Variants in OR14I1 observed in about 807,000 individuals in gnomAD.
OR14I1 encodes the protein olfactory receptor family 14 subfamily I member 1, also known as olfactory receptor 14I1.
For missense variants in OR14I1, 279 were observed against 181.8 expected (o/e 1.53, Z -3.07); for synonymous variants, 118 against 71.1 (o/e 1.66, Z -3.32).
the OR14I1 span, among the ~76,000 whole-genome samples, chr1:248,695,228 C>CTTTTT: frequency 6.1e-4 from 59 of 96,710 alleles, no homozygotes; most frequent in African/African-American, 1.1e-3. Flanking sequence ...TGAATGTATG[C>CTTTTT]TTTTTTTTTT....
At chr1:248,698,746 C>T in the OR14I1 span, 1 of 152,232 alleles carries the variant, frequency 6.6e-6, no homozygotes, top group East Asian at 1.9e-4. Flanking sequence ...TCAGATGGAT[C>T]ACACCAGAGT....
chr1:248,689,414 T>A, the OR14I1 span, among the ~76,000 whole-genome samples: 1 of 152,240 alleles, frequency 6.6e-6, no homozygotes, highest in African/African-American at 2.4e-5. Flanking sequence ...GGACCCAGTC[T>A]GGTTTCTTTA....
At chr1:248,688,757 A>C in the OR14I1 span, among the ~76,000 whole-genome samples, 1 of 152,232 alleles carries the variant, frequency 6.6e-6, no homozygotes, top group East Asian at 1.9e-4. Flanking sequence ...AAGTTTCATA[A>C]GAGGTGTTTC....
At chr1:248,697,376 G>T in the OR14I1 span, among the ~76,000 whole-genome samples, 1 of 150,526 alleles carries the variant, frequency 6.6e-6, no homozygotes, top group East Asian at 2.0e-4. Context: ...ACTTATTTTT[G>T]AATTGATACA....
At chr1:248,700,401 T>G in the OR14I1 span, among the ~76,000 whole-genome samples, 1 of 152,254 alleles carries the variant, frequency 6.6e-6, no homozygotes, top group Admixed American at 6.5e-5. Flanking sequence ...TTGCAAGTAC[T>G]CTTCTTTAGC....
At chr1:248,694,421 T>C in the OR14I1 span, among the ~76,000 whole-genome samples, 1 of 152,242 alleles carries the variant, frequency 6.6e-6, no homozygotes, top group South Asian at 2.1e-4. Flanking sequence ...AACTCCTGTT[T>C]AGCAACCATA....
At chr1:248,678,401 A>G (rs1047013707), downstream of OR14I1, among the ~76,000 whole-genome samples, 3 of 152,226 alleles carry the variant, frequency 2.0e-5, no homozygotes, top group African/African-American at 7.2e-5. Context: ...AATTTAAAAG[A>G]TTCTAAATCA....
chr1:248,681,212 T>C (rs946302715), downstream of OR14I1, among the ~76,000 whole-genome samples: 6 of 152,170 alleles, frequency 3.9e-5, no homozygotes, highest in African/African-American at 1.4e-4. Context: ...TATCTACATA[T>C]AGTAGTGCAA....
the OR14I1 span, among the ~76,000 whole-genome samples, chr1:248,696,217 A>G: frequency 1.3e-5 from 2 of 152,216 alleles, no homozygotes; most frequent in Admixed American, 1.3e-4. Flanking sequence ...ACAGAGGCAG[A>G]AGAGGCCCTG....
chr1:248,691,180 G>C, the OR14I1 span, among the ~76,000 whole-genome samples: 9,410 of 152,250 alleles, frequency 0.062, 943 homozygotes, highest in African/African-American at 0.21. Flanking sequence ...GTAACAGGAA[G>C]AATTCTAACA....
At chr1:248,699,674 G>A in the OR14I1 span, among the ~76,000 whole-genome samples, 1 of 152,170 alleles carries the variant, frequency 6.6e-6, no homozygotes, top group Non-Finnish European at 1.5e-5. Flanking sequence ...GCTCTGTGAT[G>A]GAAAACAGTT....
chr1:248,679,854 T>C (rs1661529462), downstream of OR14I1, among the ~76,000 whole-genome samples: 1 of 152,198 alleles, frequency 6.6e-6, no homozygotes, highest in African/African-American at 2.4e-5. Flanking sequence ...TATTAATCCA[T>C]GGCAAATTAT....
the OR14I1 span, among the ~76,000 whole-genome samples, chr1:248,701,214 C>G: frequency 6.6e-6 from 1 of 152,124 alleles, no homozygotes; most frequent in East Asian, 1.9e-4. Flanking sequence ...TGCAGTGGCA[C>G]CATCTCGGCT....
chr1:248,684,999 G>C (rs1661623193), upstream of OR14I1, among the ~76,000 whole-genome samples: 1 of 151,806 alleles, frequency 6.6e-6, no homozygotes, highest in East Asian at 1.9e-4. Context: ...TCTAGATTTT[G>C]GATATTTCAT....
the OR14I1 span, among the ~76,000 whole-genome samples, chr1:248,688,634 G>A: frequency 7.0e-4 from 106 of 152,248 alleles, no homozygotes; most frequent in African/African-American, 2.4e-3. Context: ...CTCCTGTTTT[G>A]TTTTCAAGAT....
chr1:248,693,899 TAAAAA>T, the OR14I1 span, among the ~76,000 whole-genome samples: 4 of 132,368 alleles, frequency 3.0e-5, no homozygotes, highest in Admixed American at 7.6e-5. Context: ...CAGAACTTTT[TAAAAA>T]AAAAAAAAAA....
downstream of OR14I1, among the ~76,000 whole-genome samples, chr1:248,679,646 C>T (rs530274832): frequency 6.6e-6 from 1 of 152,200 alleles, no homozygotes; most frequent in East Asian, 1.9e-4. Context: ...AACACTCACA[C>T]CTGCTCTGGT....
chr1:248,685,136 T>C (rs548632358), upstream of OR14I1, among the ~76,000 whole-genome samples: 3 of 152,076 alleles, frequency 2.0e-5, no homozygotes, highest in African/African-American at 7.2e-5. Flanking sequence ...CTCTCTTTTT[T>C]CCACTGTTTT....
chr1:248,700,060 C>T, the OR14I1 span, among the ~76,000 whole-genome samples: 2 of 152,152 alleles, frequency 1.3e-5, no homozygotes, highest in Admixed American at 1.3e-4. Context: ...GCGTCCGGCC[C>T]ACTGCTGACT....
Sources: gnomAD v4.1 joint callset for allele counts (sites outside exome capture counted in the v4.1 genomes callset) on GRCh38, gnomAD v4.1.1 for gene constraint, MANE v1.5 for transcripts, NCBI Gene and HGNC (gene_info 2026-07-23, HGNC 2026-07-21) for gene names.